The following TSHR variants were observed in gnomAD, a reference collection of about 807,000 sequenced individuals.
The protein encoded by TSHR is thyrotropin receptor.
Under a neutral mutation model 64.1 loss-of-function variants are expected in TSHR, and 51 were observed. That is an observed-to-expected ratio of 0.80 (90% confidence interval 0.64 to 1.01). TSHR has a LOEUF of 1.01. Among genes scored for constraint, TSHR ranks in the 50% least tolerant of loss-of-function variants. TSHR has a pLI of 0.00. For synonymous variants in TSHR, 361 were observed against 361.9 expected, an observed-to-expected ratio of 1.00 and a Z score of 0.03; for missense variants, 877 against 942.8, an observed-to-expected ratio of 0.93 and a Z score of 0.91.
chr14:81,035,020 CA>C (rs112680386), intron 1 of TSHR, among the ~76,000 whole-genome samples: 38,846 of 152,024 alleles, frequency 0.26, 5,111 homozygotes, highest in South Asian at 0.33. Flanking sequence ...GGCCAATTCC[CA>C]AAAAACAGGG....
chr14:81,003,488 G>T, intron 1 of TSHR: 1 of 218,654 alleles, frequency 4.6e-6, no homozygotes, highest in Admixed American at 4.2e-5. Flanking sequence ...CTGTTTTTGT[G>T]AAGTGACATC....
At chr14:81,046,879 A>G (rs1281699862) in intron 1 of TSHR, among the ~76,000 whole-genome samples, 1 of 152,194 alleles carries the variant, frequency 6.6e-6, no homozygotes, top group Admixed American at 6.5e-5. Context: ...GCTTATTGTC[A>G]GAAACTTCAC....
At chr14:80,976,200 T>C (rs540328505) in intron 1 of TSHR, among the ~76,000 whole-genome samples, 10 of 152,230 alleles carry the variant, frequency 6.6e-5, no homozygotes, top group African/African-American at 2.4e-4. Context: ...CGTGAGCAAG[T>C]ACATTCTTAA....
At position 81,143,247 on chromosome 14, in the gene TSHR, G is replaced by A; in HGVS notation, c.1189G>A (p.Val397Met). The A allele has an allele frequency of 5.0e-6, 8 of 1,614,198 alleles. No homozygotes were observed. Among genetic ancestry groups the A allele is most frequent in the Non-Finnish European group, 6.8e-6 (8 of 1,180,046 alleles). Residue 397 changes from valine (V) to methionine (M), a missense_variant, in exon 10 of 10, where the codon GTG (valine) becomes ATG (methionine). Val to Met is a conservative substitution (Grantham distance 21, BLOSUM62 1). Transcript: ENST00000298171. ...CATATGTGGGGACAGTGAAGACATG[G>A]TGTGTACCCCCAAGTCCGATGAGTT... ...YTICGDSEDM[V>M]CTPKSDEFNP... is the part of the protein sequence containing the mutation.
Position 81,082,618 on chromosome 14 carries a change from G to A in TSHR, c.318-5336G>A, listed in dbSNP as rs138647717. Among the ~76,000 whole-genome samples, 95 of 152,172 alleles carry A rather than the reference G, an allele frequency of 6.2e-4. 1 individual carries two copies. Among genetic ancestry groups the A allele is most frequent in the African/African-American group, 1.6e-3 (68 of 41,518 alleles). ...ACAACACGGGCATTTAAAAGTAAAC[G>A]GGAAAAAAATTGAAAATCAAATTGA... On this transcript the variant is annotated intron_variant, in intron 3 of 9. Coordinates refer to ENST00000298171, the MANE Select transcript of TSHR (RefSeq NM_000369.5).
At chr14:81,072,753 T>TAAAAGAAAACTGATG (rs1555376875) in intron 3 of TSHR, among the ~76,000 whole-genome samples, 6 of 149,656 alleles carry the variant, frequency 4.0e-5, no homozygotes, top group African/African-American at 1.3e-4. Flanking sequence ...AGTGAAAAGC[T>TAAAAGAAAACTGATG]TTGGGAGGCC....
chr14:81,081,415 G>T (rs548274009), intron 3 of TSHR, among the ~76,000 whole-genome samples: 1 of 152,128 alleles, frequency 6.6e-6, no homozygotes, highest in East Asian at 1.9e-4. Flanking sequence ...GTGAAGTATG[G>T]GGGAGGGGCG....
chr14:81,047,935 C>T (rs369546117), intron 1 of TSHR, among the ~76,000 whole-genome samples: 15 of 152,048 alleles, frequency 9.9e-5, no homozygotes, highest in Non-Finnish European at 1.6e-4. Flanking sequence ...TGTGAGCCAC[C>T]GCGCCCGGCC....
chr14:80,985,398 A>G (rs1394939620), intron 1 of TSHR, among the ~76,000 whole-genome samples: 1 of 152,226 alleles, frequency 6.6e-6, no homozygotes, highest in East Asian at 1.9e-4. Context: ...AAGCCTGGGC[A>G]TTTCTGCATT....
At position 81,022,530 on chromosome 14, in the gene TSHR, G is replaced by T. The variant is rs571360956; in HGVS notation, c.171-39618G>T. ...CCTTAATATGGTGGTATTAAGATGT[G>T]GGGTGTTTGGGGCCGGGCACGGTGG... On this transcript the variant is annotated intron_variant, in intron 1 of 9. Coordinates refer to ENST00000298171, the MANE Select transcript of TSHR (RefSeq NM_000369.5). Among the ~76,000 whole-genome samples the T allele has an allele frequency of 7.8e-4, 119 of 151,912 alleles. 1 individual carries two copies. Among genetic ancestry groups the T allele is most frequent in the Non-Finnish European group, 1.4e-3 (96 of 67,918 alleles).
At chr14:81,054,436 G>A (rs936113184) in intron 1 of TSHR, among the ~76,000 whole-genome samples, 6 of 152,174 alleles carry the variant, frequency 3.9e-5, no homozygotes, top group Admixed American at 6.5e-5. Context: ...ATGTGGAAGC[G>A]ACTTTGGAAC....
At chr14:81,050,421 G>C (rs750290769) in intron 1 of TSHR, 2 of 152,108 alleles carry the variant, frequency 1.3e-5, no homozygotes, top group Non-Finnish European at 2.9e-5. Flanking sequence ...AATATTTCAT[G>C]GTTCCCTAAA....
chr14:81,093,004 T>G (rs1290962102), intron 6 of TSHR, among the ~76,000 whole-genome samples: 1 of 152,232 alleles, frequency 6.6e-6, no homozygotes, highest in African/African-American at 2.4e-5. Flanking sequence ...GTGGACTAGA[T>G]TTGGCCTGCA....
At chr14:80,973,967 G>A (rs1887731588) in intron 1 of TSHR, among the ~76,000 whole-genome samples, 1 of 152,170 alleles carries the variant, frequency 6.6e-6, no homozygotes, top group East Asian at 1.9e-4. Flanking sequence ...ATCGCCCTGG[G>A]TGGGAGATTC....
At chr14:81,074,121 C>T (rs1343985860) in intron 3 of TSHR, among the ~76,000 whole-genome samples, 6 of 151,434 alleles carry the variant, frequency 4.0e-5, no homozygotes, top group Admixed American at 6.6e-5. Context: ...CTTCCTAAAC[C>T]GAAGGAAACT....
At chr14:81,076,910 T>C (rs2139935419) in intron 3 of TSHR, among the ~76,000 whole-genome samples, 1 of 152,330 alleles carries the variant, frequency 6.6e-6, no homozygotes, top group African/African-American at 2.4e-5. Flanking sequence ...TGCCCACCTC[T>C]GCGTTCTCAT....
At chr14:81,058,356 A>C (rs1404153660) in intron 1 of TSHR, among the ~76,000 whole-genome samples, 1 of 152,244 alleles carries the variant, frequency 6.6e-6, no homozygotes, top group African/African-American at 2.4e-5. Flanking sequence ...AACAAATTGG[A>C]ATTGCAAACT....
At chr14:81,038,573 A>T (rs1884766904) in intron 1 of TSHR, among the ~76,000 whole-genome samples, 1 of 151,286 alleles carries the variant, frequency 6.6e-6, no homozygotes, top group Non-Finnish European at 1.5e-5. Context: ...AGATAAACTA[A>T]ATTGACAAAC....
At chr14:81,139,463 T>A (rs1204233945) in intron 8 of TSHR, among the ~76,000 whole-genome samples, 1 of 152,240 alleles carries the variant, frequency 6.6e-6, no homozygotes, top group African/African-American at 2.4e-5. Flanking sequence ...GCATTTGTAC[T>A]ACTGGATACT....
Sources: allele counts gnomAD v4.1 joint callset (sites outside exome capture counted in the v4.1 genomes callset), GRCh38; gene constraint gnomAD v4.1.1; transcripts MANE v1.5; gene names NCBI Gene and HGNC (gene_info 2026-07-23, HGNC 2026-07-21).